Variants in ABCA12 observed in about 807,000 individuals in gnomAD.
The protein encoded by ABCA12 is glucosylceramide transporter ABCA12.
In ABCA12, 156 loss-of-function variants were observed where a neutral mutation model predicts 293.5. The observed-to-expected ratio is 0.53, with a 90% CI of 0.47 to 0.61. ABCA12 has a LOEUF of 0.61. Among genes scored for constraint, ABCA12 ranks in the 20% least tolerant of loss-of-function variants. The probability of loss-of-function intolerance (pLI) is 0.00; values close to 1 mark genes in which losing one functional copy is unlikely to be tolerated. For synonymous variants in ABCA12, 1,063 were observed against 1,108.0 expected (o/e 0.96, Z 0.81); for missense variants, 2,797 against 3,090.2 (o/e 0.91, Z 2.25).
chr2:215,061,949 A>T (rs1441837576), intron 3 of ABCA12, among the ~76,000 whole-genome samples: 2 of 152,048 alleles, frequency 1.3e-5, no homozygotes, highest in Non-Finnish European at 2.9e-5. Context: ...ACTGTTAATT[A>T]TGTCCCTTAT....
At chr2:215,118,959 C>T (rs1702743811) in intron 1 of ABCA12, among the ~76,000 whole-genome samples, 1 of 152,182 alleles carries the variant, frequency 6.6e-6, no homozygotes, top group South Asian at 2.1e-4. Context: ...TTTAGGTTAT[C>T]TGTTTCCTCT....
intron 2 of ABCA12, among the ~76,000 whole-genome samples, chr2:215,105,758 A>C (rs749176218): frequency 2.9e-4 from 44 of 152,254 alleles, no homozygotes; most frequent in Admixed American, 5.2e-4. Context: ...TCTGACTTGC[A>C]TGCCAGCGGT....
At chr2:215,124,651 G>T (rs1214669147) in intron 1 of ABCA12, among the ~76,000 whole-genome samples, 3 of 152,026 alleles carry the variant, frequency 2.0e-5, no homozygotes, top group Non-Finnish European at 4.4e-5. Flanking sequence ...TGATGGGATT[G>T]TTTGTTTTTT....
intron 1 of ABCA12, among the ~76,000 whole-genome samples, chr2:215,116,229 C>A (rs1161094089): frequency 6.6e-6 from 1 of 151,974 alleles, no homozygotes; most frequent in Non-Finnish European, 1.5e-5. Flanking sequence ...CATTGTGTAC[C>A]TTCTTTGTCC....
At chr2:215,112,487 TTTTTTTTTTG>T (rs753853589) in intron 1 of ABCA12, among the ~76,000 whole-genome samples, 1,639 of 107,048 alleles carry the variant, frequency 0.015, 17 homozygotes, top group Middle Eastern at 0.035. Flanking sequence ...GTTTTTTTTG[TTTTTTTTTTG>T]TTTTTTTTTG....
At chr2:214,970,195 G>A (rs1699355249) in intron 37 of ABCA12, 78 bp downstream of exon 37, 7 of 1,373,174 alleles carry the variant, frequency 5.1e-6, no homozygotes, top group Non-Finnish European at 7.0e-6. Context: ...ATAGAAATTT[G>A]TATCTATTGT....
In ABCA12 at chr2:214,983,678, T is replaced by A. The variant is rs201123321; in HGVS notation, c.4351A>T (p.Thr1451Ser). ...LYGSIKVPHW[T>S]KKQLHEEVKR... ...ACTTCCTCGTGGAGCTGCTTTTTAG[T>A]CCAGTGAGGAACTTTGATGGAACCA... is the stretch of plus-strand genomic sequence containing the variant. The change falls in exon 29 of 53, where the codon ACT (threonine) becomes TCT (serine). Residue 1451 changes from threonine (T) to serine (S), a missense_variant. Coordinates refer to ENST00000272895, the MANE Select transcript of ABCA12 (RefSeq NM_173076.3). 14 of 1,614,104 alleles carry A rather than the reference T, an allele frequency of 8.7e-6. No individual in the cohort carries two copies. In the East Asian group the frequency reaches 3.1e-4, roughly 36 times the overall value.
At chr2:215,131,702 GTTTTT>G (rs35844951) in intron 1 of ABCA12, among the ~76,000 whole-genome samples, 2 of 80,176 alleles carry the variant, frequency 2.5e-5, no homozygotes, top group African/African-American at 3.8e-5. Context: ...CCTTTCTATT[GTTTTT>G]TTTTTTTTTT....
chr2:215,013,921 C>T (rs1263381219), intron 15 of ABCA12, among the ~76,000 whole-genome samples: 5 of 152,196 alleles, frequency 3.3e-5, no homozygotes, highest in Admixed American at 1.3e-4. Flanking sequence ...TGGCTCACTC[C>T]TGTAATCCCA....
At chr2:215,118,129 T>C (rs1265512130) in intron 1 of ABCA12, among the ~76,000 whole-genome samples, 2 of 152,116 alleles carry the variant, frequency 1.3e-5, no homozygotes, top group African/African-American at 4.8e-5. Flanking sequence ...CAACAGGGCA[T>C]GGTGGCTAAT....
intron 1 of ABCA12, among the ~76,000 whole-genome samples, chr2:215,137,597 A>T (rs188164041): frequency 6.6e-6 from 1 of 152,338 alleles, no homozygotes; most frequent in African/African-American, 2.4e-5. Context: ...CATAGCACAT[A>T]TACATACTCT....
chr2:215,108,444 A>G (rs1032559107), intron 2 of ABCA12, among the ~76,000 whole-genome samples: 1 of 152,182 alleles, frequency 6.6e-6, no homozygotes, highest in African/African-American at 2.4e-5. Context: ...TGAGTTCATG[A>G]GCTTAAAACA....
At chr2:214,996,445 T>C (rs765320714) in intron 23 of ABCA12, among the ~76,000 whole-genome samples, 1 of 152,178 alleles carries the variant, frequency 6.6e-6, no homozygotes, top group Non-Finnish European at 1.5e-5. Context: ...TCTCAAAGAT[T>C]TTCTTTACTC....
chr2:215,032,557 T>C (rs1464683), intron 8 of ABCA12: 147,363 of 152,692 alleles, frequency 0.97, 71,324 homozygotes, highest in East Asian at 1. Context: ...AGAAGTTAAA[T>C]AGGTCCCTAA....
At position 214,940,919 on chromosome 2, in the gene ABCA12, TG is replaced by T. The variant is rs1698379726; in HGVS notation, c.7436+2005del. Among the ~76,000 whole-genome samples, 8 of 152,326 alleles carry T rather than the reference TG, an allele frequency of 5.3e-5. No individual in the cohort carries two copies. In the South Asian group the frequency reaches 1.7e-3, roughly 32 times the overall value. ...GGTAGTCTTTTCAAAAAGCAGCTCCTGGATTCATTGATTTTTTGAAGGGTTT... is the reference window on the plus strand; with the variant it reads ...GGTAGTCTTTTCAAAAAGCAGCTCCTGATTCATTGATTTTTTGAAGGGTTT... On this transcript the variant is annotated intron_variant, in intron 50 of 52. Coordinates refer to ENST00000272895, the MANE Select transcript of ABCA12 (RefSeq NM_173076.3).
chr2:215,031,685 CT>C (rs1700881029), intron 9 of ABCA12, 135 bp downstream of exon 9: 1 of 1,040,064 alleles, frequency 9.6e-7, no homozygotes, highest in Non-Finnish European at 1.5e-6. Flanking sequence ...GGACTATGCC[CT>C]TTCCTCTGCT....
intron 18 of ABCA12, among the ~76,000 whole-genome samples, 185 bp downstream of exon 18, chr2:215,010,146 T>C (rs1377531691): frequency 6.6e-6 from 1 of 152,090 alleles, no homozygotes; most frequent in African/African-American, 2.4e-5. Context: ...TCCCACCCAA[T>C]CTATACTGCT....
At chr2:215,052,343 GGGTTCCTAAGAAAAGAA>G (rs1370486352) in intron 5 of ABCA12, 127 bp downstream of exon 5, 5 of 669,604 alleles carry the variant, frequency 7.5e-6, no homozygotes, top group Non-Finnish European at 1.1e-5. Context: ...GTTTATTGAA[GGGTTCCTAAGAAAAGAA>G]GTTGCCTGAG....
Position 214,987,724 on chromosome 2 carries a change from C to T in ABCA12, c.3899G>A (p.Cys1300Tyr). ...GCTCTTCTCAGGCTTCACCTCTGCA[C>T]ACCCAAATCGCTCCTTCCAATAGGA... ...LPSYWKERFG[C>Y]AEVKPEKSNG... Residue 1300 changes from cysteine to tyrosine, a missense_variant, in exon 27 of 53, where the codon TGT (cysteine) becomes TAT (tyrosine). Coordinates refer to ENST00000272895, the MANE Select transcript of ABCA12 (RefSeq NM_173076.3). The T allele has an allele frequency of 6.2e-7, 1 of 1,614,072 alleles. No individual in the cohort carries two copies. The highest frequency in any genetic ancestry group is 8.5e-7 in the Non-Finnish European group (1 of 1,180,000).
Sources: allele counts gnomAD v4.1 joint callset (sites outside exome capture counted in the v4.1 genomes callset), GRCh38; gene constraint gnomAD v4.1.1; transcripts MANE v1.5; gene names NCBI Gene and HGNC (gene_info 2026-07-23, HGNC 2026-07-21).